BTBD8: variants seen among roughly 807,000 people sequenced by gnomAD.
BTBD8 encodes the protein BTB/POZ domain-containing protein 8.
A neutral mutation model predicts 162.9 loss-of-function variants in BTBD8; 110 were observed. The ratio of observed to expected loss-of-function variants is 0.68; its 90% confidence interval spans 0.58 to 0.79. The LOEUF is 0.79. BTBD8 is among the 30% of genes least tolerant of loss of function. BTBD8 has a pLI of 0.00. For missense variants in BTBD8, 1,905 were observed against 2,085.4 expected, an observed-to-expected ratio of 0.91 and a Z score of 1.68; for synonymous variants, 667 against 716.1, an observed-to-expected ratio of 0.93 and a Z score of 1.10.
chr1:92,094,053 G>T (rs1177622880), intron 2 of BTBD8, among the ~76,000 whole-genome samples: 1 of 152,228 alleles, frequency 6.6e-6, no homozygotes, highest in Admixed American at 6.5e-5. Context: ...AGACAGATCT[G>T]CCTTCTTGCT....
At chr1:92,096,859 C>T (rs985120947) in intron 2 of BTBD8, among the ~76,000 whole-genome samples, 3 of 152,126 alleles carry the variant, frequency 2.0e-5, no homozygotes, top group Admixed American at 1.3e-4. Context: ...TTTCCCTAGT[C>T]CTATTTGAGT....
intron 4 of BTBD8, among the ~76,000 whole-genome samples, chr1:92,117,698 C>T (rs993377996): frequency 1.1e-4 from 16 of 152,132 alleles, no homozygotes; most frequent in African/African-American, 3.9e-4. Context: ...TATATTACTG[C>T]ACCTCACAAA....
In BTBD8 at chr1:92,129,772, C is replaced by G; in HGVS notation, c.748C>G (p.Gln250Glu). 5.6e-6 allele frequency: 9 copies of G among 1,610,984 alleles called. No individual in the cohort carries two copies. Among genetic ancestry groups the G allele is most frequent in the Non-Finnish European group, 7.6e-6 (9 of 1,177,252 alleles). Residue 250 changes from glutamine to glutamate, a missense_variant, in exon 5 of 18, where the codon CAA becomes GAA. Physicochemically the swap from Gln to Glu is conservative, Grantham distance 29. This residue lies in a region of BTBD8 where 1,374 missense variants were observed against 1,442.7 expected (regional missense o/e 0.95). Transcript: ENST00000636805. ...AESSQEYVTL[Q>E]GISHVELNVM... ...AAGCTCCCAAGAGTACGTTACTCTTCAAGGGTAAGCATATTTTTACAGGGC... is the reference window on the plus strand; with the variant it reads ...AAGCTCCCAAGAGTACGTTACTCTTGAAGGGTAAGCATATTTTTACAGGGC...
rs1570763109 is a variant in BTBD8, at chr1:92,181,416, CGA to C, written c.3739_3740del (p.Pro1248Ter). Reference sequence around the variant, plus strand: ...TTTGAGTACTGGTGTTCTGCATCAGCGAGAGAGTCCTGAATCTGACACTGGCA... The same window carrying C: ...TTTGAGTACTGGTGTTCTGCATCAGCGAGAGTCCTGAATCTGACACTGGCA... ...WNLSTGVLHQRESPESDTGSA... is the reference protein window; with the variant it reads ...WNLSTGVLHQXESPESDTGSA... On this transcript the variant is annotated frameshift_variant, in exon 17 of 18. Transcript: ENST00000636805. LOFTEE classifies it high-confidence loss of function. The C allele has an allele frequency of 1.3e-6, 2 of 1,551,568 alleles. No homozygotes were observed. The highest frequency in any genetic ancestry group is 1.7e-6 in the Non-Finnish European group (2 of 1,146,938).
At chr1:92,095,205 A>C (rs986717681) in intron 2 of BTBD8, among the ~76,000 whole-genome samples, 2 of 152,174 alleles carry the variant, frequency 1.3e-5, no homozygotes, top group Non-Finnish European at 2.9e-5. Context: ...CTTTTCCCCT[A>C]ATCTCCCTAT....
chr1:92,083,135 CAAA>C (rs142871617), intron 1 of BTBD8, among the ~76,000 whole-genome samples: 3 of 93,336 alleles, frequency 3.2e-5, no homozygotes, highest in Non-Finnish European at 2.3e-5. Flanking sequence ...GACTCTGTCT[CAAA>C]AAAAAAAAAA....
chr1:92,092,445 T>C (rs1287990347), intron 2 of BTBD8, among the ~76,000 whole-genome samples: 3 of 151,102 alleles, frequency 2.0e-5, no homozygotes, highest in Non-Finnish European at 4.4e-5. Context: ...GTGTGCATAC[T>C]TACTCTATCC....
chr1:92,170,877 TA>T (rs1036779616), intron 12 of BTBD8, among the ~76,000 whole-genome samples: 17 of 151,990 alleles, frequency 1.1e-4, no homozygotes, highest in Admixed American at 2.6e-4. Flanking sequence ...TGAAGATTCT[TA>T]TTTTATTTTC....
rs1192662359 is a variant in BTBD8 at position 92,167,993 on chromosome 1, A to G, written c.1443+8A>G. Reference sequence around the variant, plus strand: ...GACAGTACAAAGGAAATGGTACTGAATGTAATGAAATTTATTAAAATAATG... The same window carrying G: ...GACAGTACAAAGGAAATGGTACTGAGTGTAATGAAATTTATTAAAATAATG... On this transcript the variant is annotated splice_region_variant and intron_variant, in intron 11 of 17. Transcript: ENST00000636805. 2.0e-6 allele frequency: 3 copies of G among 1,524,176 alleles called. No homozygotes were observed. The South Asian group carries it at 3.8e-5, about 19-fold the overall frequency. The allele number at this position is 1,524,176 out of a possible 1,614,324, so 94.4% of individuals were successfully genotyped here.
Position 92,181,562 on chromosome 1 carries a change from C to T in BTBD8, c.3879C>T (p.Cys1293=). Residue 1293 remains cysteine, a synonymous_variant, in exon 17 of 18, where the codon TGC becomes TGT. Transcript: ENST00000636805. ...RGISKCGTML[C]HDFLGRSSSD... The stretch of plus-strand genomic sequence containing the variant: ...TCTCTAAATGTGGCACTATGCTGTG[C>T]CATGATTTTCTTGGAAGAAGTAGCA... The T allele has an allele frequency of 6.4e-7, 1 of 1,551,458 alleles. No individual in the cohort carries two copies. Among genetic ancestry groups the T allele is most frequent in the Non-Finnish European group, 8.7e-7 (1 of 1,146,862 alleles).
At chr1:92,088,336 T>C (rs1648212814) in intron 1 of BTBD8, among the ~76,000 whole-genome samples, 1 of 152,192 alleles carries the variant, frequency 6.6e-6, no homozygotes, top group African/African-American at 2.4e-5. Context: ...AATGATCATG[T>C]CAACTTTGCA....
intron 16 of BTBD8, among the ~76,000 whole-genome samples, chr1:92,179,493 T>A (rs1234067819): frequency 1.3e-5 from 2 of 152,240 alleles, no homozygotes; most frequent in East Asian, 3.8e-4. Flanking sequence ...AGTTTTGATT[T>A]AGATTATGAA....
intron 12 of BTBD8, among the ~76,000 whole-genome samples, chr1:92,169,402 G>A (rs1650473143): frequency 6.6e-6 from 1 of 152,004 alleles, no homozygotes. Context: ...ACCCTTTCTT[G>A]TGGTTTTGCC....
At position 92,152,094 on chromosome 1, in the gene BTBD8, G is replaced by A. The variant is rs188778426; in HGVS notation, c.1122+4308G>A. On this transcript the variant is annotated intron_variant, in intron 9 of 17. Coordinates refer to ENST00000636805, the MANE Select transcript of BTBD8 (RefSeq NM_001376131.1). ...GTGCCCTGTTCAAGTTCCCAAGACA[G>A]TAAAAGGCAAAACCTAGTCTTAAAA... Among the ~76,000 whole-genome samples, 11 of 152,206 alleles carry A rather than the reference G, an allele frequency of 7.2e-5. No homozygotes were observed. In the East Asian group the frequency reaches 2.1e-3, roughly 29 times the overall value.
intron 4 of BTBD8, among the ~76,000 whole-genome samples, chr1:92,113,007 G>A (rs1051608356): frequency 2.0e-5 from 3 of 152,162 alleles, no homozygotes; most frequent in African/African-American, 7.2e-5. Context: ...AGGAAGTATT[G>A]AATAGCAGTG....
At position 92,181,367 on chromosome 1, in the gene BTBD8, A is replaced by G; in HGVS notation, c.3684A>G (p.Glu1228=). 6.4e-7 allele frequency: 1 copy of G among 1,551,688 alleles called. No individual in the cohort carries two copies. Among genetic ancestry groups the G allele is most frequent in the Non-Finnish European group, 8.7e-7 (1 of 1,146,974 alleles). ...SESPESHETP[E]TPFVGHWNLS... ...CTCCAGAGAGCCATGAAACTCCAGAAACTCCATTTGTGGGTCACTGGAATT... is the reference window on the plus strand; with the variant it reads ...CTCCAGAGAGCCATGAAACTCCAGAGACTCCATTTGTGGGTCACTGGAATT... The change falls in exon 17 of 18, where the codon GAA becomes GAG. Residue 1228 remains glutamate (E), a synonymous_variant. Coordinates refer to ENST00000636805, the MANE Select transcript of BTBD8 (RefSeq NM_001376131.1).
chr1:92,171,326 A>G, intron 12 of BTBD8, 73 bp from the exon 13 acceptor site: 1 of 1,104,434 alleles, frequency 9.1e-7, no homozygotes, highest in Non-Finnish European at 1.3e-6. Context: ...TTCTACTGAC[A>G]TACTATTTTT....
At chr1:92,082,185 T>C (rs1648036367) in intron 1 of BTBD8, among the ~76,000 whole-genome samples, 1 of 152,022 alleles carries the variant, frequency 6.6e-6, no homozygotes, top group Non-Finnish European at 1.5e-5. Context: ...CAAATTCTTA[T>C]TATAAACAAA....
chr1:92,156,792 TCA>T (rs139083281), intron 9 of BTBD8, among the ~76,000 whole-genome samples: 2,356 of 152,272 alleles, frequency 0.015, 75 homozygotes, highest in African/African-American at 0.054. Context: ...GCCTCCTCTT[TCA>T]TTTTGGATTG....
Sources: gnomAD v4.1 joint callset for allele counts (sites outside exome capture counted in the v4.1 genomes callset) on GRCh38, gnomAD v4.1.1 for gene constraint, gnomAD v4.1.1 regional missense constraint, MANE v1.5 for transcripts, NCBI Gene and HGNC (gene_info 2026-07-23, HGNC 2026-07-21) for gene names.